CDH13: variants seen among roughly 807,000 people sequenced by gnomAD.
CDH13 encodes the protein cadherin-13.
A neutral mutation model predicts 63.8 loss-of-function variants in CDH13; 24 were observed. The ratio of observed to expected loss-of-function variants is 0.38; its 90% CI spans 0.27 to 0.53. The LOEUF (loss-of-function observed/expected upper bound fraction) is 0.53, where lower values mean the gene tolerates loss of function less well. Among genes scored for constraint, CDH13 ranks in the 20% least tolerant of loss-of-function variants. CDH13 has a pLI of 0.85. For missense variants in CDH13, 1,049 were observed against 903.1 expected, an observed-to-expected ratio of 1.16 and a Z score of -2.07; for synonymous variants, 503 against 355.3, an observed-to-expected ratio of 1.42 and a Z score of -4.67.
chr16:83,080,749 C>T (rs1286462843), intron 3 of CDH13, among the ~76,000 whole-genome samples: 1 of 151,660 alleles, frequency 6.6e-6, no homozygotes, highest in Admixed American at 6.6e-5. Context: ...TGACTTTGTT[C>T]TAACCCACAA....
At chr16:83,175,189 A>G (rs907181259) in intron 4 of CDH13, among the ~76,000 whole-genome samples, 3 of 152,272 alleles carry the variant, frequency 2.0e-5, no homozygotes, top group African/African-American at 4.8e-5. Context: ...CTTTATTCTC[A>G]AACATGCCAC....
rs74249074 is a variant in CDH13 at position 82,921,502 on chromosome 16, C to G, written c.157+63029C>G. ...GACCACCTGAATAACCTAGGATCAT[C>G]TCCCCATCCTAAAATATTTAATTCA... On this transcript the variant is annotated intron_variant, in intron 2 of 13. Coordinates refer to ENST00000567109, the MANE Select transcript of CDH13 (RefSeq NM_001257.5). 8.9e-3 allele frequency among the ~76,000 whole-genome samples: 1,359 copies of G among 152,302 alleles called. 138 individuals carry two copies. In the East Asian group the frequency reaches 0.22, roughly 25 times the overall value.
intron 4 of CDH13, among the ~76,000 whole-genome samples, chr16:83,144,652 A>G (rs1215383426): frequency 6.6e-6 from 1 of 152,262 alleles, no homozygotes; most frequent in Non-Finnish European, 1.5e-5. Flanking sequence ...GCAAAAAGTT[A>G]TATTCAGACC....
At chr16:83,579,537 A>G (rs938634016) in intron 7 of CDH13, among the ~76,000 whole-genome samples, 1 of 152,068 alleles carries the variant, frequency 6.6e-6, no homozygotes, top group Non-Finnish European at 1.5e-5. Context: ...ACTCACTATC[A>G]TGAGACCAGC....
At chr16:82,658,307 C>G (rs1460526931) in intron 1 of CDH13, among the ~76,000 whole-genome samples, 1 of 152,174 alleles carries the variant, frequency 6.6e-6, no homozygotes, top group Non-Finnish European at 1.5e-5. Context: ...CAGAAGAAAA[C>G]AGTGCACAGT....
At chr16:83,284,088 T>C (rs1397396740) in intron 5 of CDH13, among the ~76,000 whole-genome samples, 1 of 152,226 alleles carries the variant, frequency 6.6e-6, no homozygotes, top group Non-Finnish European at 1.5e-5. Context: ...ACACAGTAGT[T>C]AGCTTCACAG....
At chr16:83,661,513 G>A (rs1913442818) in intron 8 of CDH13, among the ~76,000 whole-genome samples, 1 of 152,060 alleles carries the variant, frequency 6.6e-6, no homozygotes, top group Middle Eastern at 3.4e-3. Flanking sequence ...TTGTTCTCAG[G>A]AACACAGTTT....
At chr16:83,244,316 G>A (rs886911306) in intron 5 of CDH13, among the ~76,000 whole-genome samples, 2 of 152,084 alleles carry the variant, frequency 1.3e-5, no homozygotes, top group Non-Finnish European at 2.9e-5. Flanking sequence ...AACATCTAGT[G>A]ATGGTTACTG....
At chr16:83,560,901 C>CA (rs995405698) in intron 7 of CDH13, among the ~76,000 whole-genome samples, 17 of 139,352 alleles carry the variant, frequency 1.2e-4, no homozygotes, top group Non-Finnish European at 2.2e-4. Context: ...TAAGGTTGGC[C>CA]CCCCCCCCGC....
chr16:83,187,259 C>T (rs2151750877), intron 4 of CDH13, among the ~76,000 whole-genome samples: 1 of 152,312 alleles, frequency 6.6e-6, no homozygotes, highest in East Asian at 1.9e-4. Flanking sequence ...CGTAAGCCAC[C>T]ACGCCTGGCC....
intron 7 of CDH13, among the ~76,000 whole-genome samples, chr16:83,587,922 T>C (rs1400944603): frequency 6.6e-6 from 1 of 151,500 alleles, no homozygotes; most frequent in Non-Finnish European, 1.5e-5. Flanking sequence ...TTGAGATTTA[T>C]CTGAGCAACA....
At chr16:82,770,954 A>G (rs149493901) in intron 1 of CDH13, among the ~76,000 whole-genome samples, 45 of 152,246 alleles carry the variant, frequency 3.0e-4, no homozygotes, top group African/African-American at 9.1e-4. Context: ...AGCTCAGGCA[A>G]TCCCCCCGCT....
intron 4 of CDH13, among the ~76,000 whole-genome samples, chr16:83,205,778 A>G (rs12934245): frequency 0.95 from 143,975 of 151,884 alleles, 68,500 homozygotes; most frequent in Non-Finnish European, 0.99. Context: ...TTAATTTTTT[A>G]TATTTTACTA....
At chr16:83,004,118 C>G (rs1477768361) in intron 2 of CDH13, among the ~76,000 whole-genome samples, 5 of 152,206 alleles carry the variant, frequency 3.3e-5, no homozygotes, top group African/African-American at 1.2e-4. Context: ...ATGAATGCAA[C>G]TGTAGAATAC....
chr16:83,523,880 A>C (rs1420430675), intron 7 of CDH13, among the ~76,000 whole-genome samples: 1 of 152,154 alleles, frequency 6.6e-6, no homozygotes, highest in South Asian at 2.1e-4. Context: ...GGGAAAGATG[A>C]AGCATCCAGA....
chr16:83,216,422 A>G (rs866306676), intron 4 of CDH13, among the ~76,000 whole-genome samples: 6,087 of 97,554 alleles, frequency 0.062, 876 homozygotes, highest in South Asian at 0.099. Context: ...ATATATATAT[A>G]TATATATATA....
intron 10 of CDH13, among the ~76,000 whole-genome samples, chr16:83,724,824 C>A (rs776410029): frequency 1.3e-5 from 2 of 152,182 alleles, no homozygotes; most frequent in Non-Finnish European, 1.5e-5. Context: ...ATATTGTAAC[C>A]TGCAGCCAGG....
intron 11 of CDH13, 111 bp from the exon 12 acceptor site, chr16:83,779,857 C>T: frequency 2.7e-6 from 2 of 741,618 alleles, no homozygotes; most frequent in Non-Finnish European, 4.4e-6. Context: ...GACCCTGTCT[C>T]AAAAAATAAA....
chr16:82,715,299 G>A (rs1205798871), intron 1 of CDH13, among the ~76,000 whole-genome samples: 1 of 151,312 alleles, frequency 6.6e-6, no homozygotes, highest in Non-Finnish European at 1.5e-5. Context: ...CTGCAACCAA[G>A]TCACTTAGCC....
Sources: gnomAD v4.1 joint callset for allele counts (sites outside exome capture counted in the v4.1 genomes callset) on GRCh38, gnomAD v4.1.1 for gene constraint, MANE v1.5 for transcripts, NCBI Gene and HGNC (gene_info 2026-07-23, HGNC 2026-07-21) for gene names.